The following DCHS2 variants were observed in gnomAD, a reference collection of about 807,000 sequenced individuals.
DCHS2 encodes the protein dachsous cadherin-related 2.
A neutral mutation model predicts 182.4 loss-of-function variants in DCHS2; 142 were observed. That is an observed-to-expected ratio of 0.78 (90% confidence interval 0.68 to 0.89). DCHS2 has a LOEUF of 0.89. DCHS2 is among the 40% of genes least tolerant of loss of function. The pLI is 0.00. For missense variants in DCHS2, 4,319 were observed against 4,198.6 expected, an observed-to-expected ratio of 1.03 and a Z score of -0.79; for synonymous variants, 1,740 against 1,663.3, an observed-to-expected ratio of 1.05 and a Z score of -1.12.
intron 1 of DCHS2, among the ~76,000 whole-genome samples, chr4:154,474,490 T>C (rs1735606656): frequency 6.6e-6 from 1 of 152,152 alleles, no homozygotes; most frequent in Non-Finnish European, 1.5e-5. Flanking sequence ...GGCACCTCCA[T>C]CCCAGAGCTC....
chr4:154,423,938 G>C (rs1252403187), intron 1 of DCHS2, among the ~76,000 whole-genome samples: 2 of 152,168 alleles, frequency 1.3e-5, no homozygotes, highest in African/African-American at 4.8e-5. Context: ...CAAACTTTCA[G>C]CAGGAGGGTC....
chr4:154,243,383 CT>C (rs1216101796), intron 16 of DCHS2, among the ~76,000 whole-genome samples: 1 of 152,152 alleles, frequency 6.6e-6, no homozygotes, highest in Non-Finnish European at 1.5e-5. Context: ...AATTTAATCT[CT>C]CTTGGATGAT....
At chr4:154,266,334 G>GTTGT (rs1553999958) in intron 14 of DCHS2, among the ~76,000 whole-genome samples, 3 of 133,544 alleles carry the variant, frequency 2.2e-5, no homozygotes, top group Non-Finnish European at 4.6e-5. Context: ...TTTTTTTTTT[G>GTTGT]TTGTTTGTTT....
At chr4:154,323,426 C>T (rs1364808125) in intron 7 of DCHS2, 11 of 1,490,056 alleles carry the variant, frequency 7.4e-6, no homozygotes, top group Non-Finnish European at 8.1e-6. Flanking sequence ...AGTTCAGGGT[C>T]GCAAGCTATC....
intron 15 of DCHS2, 61 bp downstream of exon 15, chr4:154,259,484 T>TATCA: frequency 6.3e-7 from 1 of 1,576,340 alleles, no homozygotes; most frequent in Middle Eastern, 2.0e-4. Flanking sequence ...TCTCTCTCTC[T>TATCA]CTCACACAGA....
chr4:154,310,384 T>C (rs1050869670), intron 10 of DCHS2, among the ~76,000 whole-genome samples: 1 of 152,156 alleles, frequency 6.6e-6, no homozygotes, highest in Non-Finnish European at 1.5e-5. Context: ...TTTCTTTGAT[T>C]GGTTGGATTC....
intron 16 of DCHS2, among the ~76,000 whole-genome samples, chr4:154,252,410 C>T (rs907306001): frequency 5.3e-5 from 8 of 152,080 alleles, no homozygotes; most frequent in African/African-American, 1.9e-4. Flanking sequence ...TTTGTACCAG[C>T]AAATACTGGG....
intron 2 of DCHS2, among the ~76,000 whole-genome samples, chr4:154,368,767 G>T (rs931553057): frequency 2.6e-5 from 4 of 152,114 alleles, no homozygotes; most frequent in Non-Finnish European, 4.4e-5. Context: ...CCAAAGTTCT[G>T]GGATTACAGG....
intron 13 of DCHS2, among the ~76,000 whole-genome samples, chr4:154,272,569 T>A: frequency 6.6e-6 from 1 of 152,008 alleles, no homozygotes; most frequent in Non-Finnish European, 1.5e-5. Context: ...ATAAGGCAGT[T>A]TTCCCTGCTC....
At chr4:154,253,803 C>G (rs1732510083) in intron 16 of DCHS2, among the ~76,000 whole-genome samples, 3 of 152,096 alleles carry the variant, frequency 2.0e-5, no homozygotes, top group African/African-American at 7.2e-5. Flanking sequence ...TCCAATATAG[C>G]CAGTAAGATA....
chr4:154,304,583 C>T (rs925128103), intron 12 of DCHS2, 86 bp downstream of exon 12: 55 of 1,252,848 alleles, frequency 4.4e-5, no homozygotes, highest in Non-Finnish European at 5.6e-5. Context: ...AGTGAGCCAT[C>T]GCGCCACTGC....
chr4:154,420,286 T>TAGATAGATAGAC (rs2110913318), intron 1 of DCHS2, among the ~76,000 whole-genome samples: 1 of 151,996 alleles, frequency 6.6e-6, no homozygotes, highest in East Asian at 1.9e-4. Context: ...GATAGATAGA[T>TAGATAGATAGAC]AGATAGATAG....
In DCHS2 at chr4:154,491,426, G is replaced by C. The variant is rs898319882; in HGVS notation, c.-71C>G. 1.4e-6 allele frequency: 2 copies of C among 1,442,028 alleles called. No individual in the cohort carries two copies. Among genetic ancestry groups the C allele is most frequent in the Non-Finnish European group, 1.8e-6 (2 of 1,098,990 alleles). 89.3% of individuals were successfully genotyped at this position (1,442,028 alleles called of 1,614,324 possible). ...GTGGCAGGATCGCAGAAAAATCCAGGAGCCTCTTCAGTGTCTGAGCCAGAG... is the reference window on the plus strand; with the variant it reads ...GTGGCAGGATCGCAGAAAAATCCAGCAGCCTCTTCAGTGTCTGAGCCAGAG... On this transcript the variant is annotated 5_prime_UTR_variant, in exon 1 of 20. Transcript: ENST00000357232.
At chr4:154,459,248 G>C (rs928778679) in intron 1 of DCHS2, among the ~76,000 whole-genome samples, 1 of 152,086 alleles carries the variant, frequency 6.6e-6, no homozygotes, top group African/African-American at 2.4e-5. Context: ...CCTGAAGGTA[G>C]AGTGTATTTG....
intron 6 of DCHS2, 150 bp from the exon 7 acceptor site, chr4:154,328,342 A>C: frequency 2.0e-6 from 1 of 510,590 alleles, no homozygotes. Context: ...TGTAAAAGTT[A>C]TATGGGTGTA....
At chr4:154,366,749 C>T (rs1160329330) in intron 2 of DCHS2, among the ~76,000 whole-genome samples, 3 of 152,116 alleles carry the variant, frequency 2.0e-5, no homozygotes, top group African/African-American at 7.2e-5. Context: ...CACTTCACTG[C>T]TGATTCTTAA....
chr4:154,338,282 C>G (rs912368142), intron 3 of DCHS2, among the ~76,000 whole-genome samples: 11 of 151,868 alleles, frequency 7.2e-5, no homozygotes, highest in African/African-American at 2.7e-4. Flanking sequence ...AATATACAAA[C>G]AACAATTTAC....
rs150550551 is a variant in DCHS2 at position 154,423,914 on chromosome 4, G to T, written c.2053-46470C>A. Among the ~76,000 whole-genome samples the T allele has an allele frequency of 2.6e-3, 400 of 152,286 alleles. 1 individual carries two copies. Among genetic ancestry groups the T allele is most frequent in the African/African-American group, 9.2e-3 (382 of 41,568 alleles). The stretch of plus-strand genomic sequence containing the variant: ...CAATCTCCTGGGTAACGCCAATACT[G>T]CTGGTCCAGGGACCAAACTTTCAGC... On this transcript the variant is annotated intron_variant, in intron 1 of 19. Transcript: ENST00000357232.
intron 13 of DCHS2, among the ~76,000 whole-genome samples, chr4:154,285,669 G>T (rs1245355667): frequency 6.6e-6 from 1 of 152,126 alleles, no homozygotes; most frequent in Non-Finnish European, 1.5e-5. Context: ...GCTGGGGGAA[G>T]AATAGGAAGG....
Sources: gnomAD v4.1 joint callset for allele counts (sites outside exome capture counted in the v4.1 genomes callset) on GRCh38, gnomAD v4.1.1 for gene constraint, MANE v1.5 for transcripts, NCBI Gene and HGNC (gene_info 2026-07-23, HGNC 2026-07-21) for gene names.